Variants in CDH23 observed in about 807,000 individuals in gnomAD.
CDH23 encodes cadherin related 23, also known as cadherin-23.
In CDH23, 189 loss-of-function variants were observed where a neutral mutation model predicts 317.1. The observed-to-expected ratio is 0.60, with a 90% CI of 0.53 to 0.67. The LOEUF (loss-of-function observed/expected upper bound fraction) is 0.67, where lower values mean the gene tolerates loss of function less well. Ranked by LOEUF, CDH23 falls within the 30% of genes least tolerant of loss-of-function variation. CDH23 has a pLI of 0.00. For synonymous variants in CDH23, 1,839 were observed against 1,876.8 expected, an observed-to-expected ratio of 0.98 and a Z score of 0.52; for missense variants, 4,401 against 4,592.4, an observed-to-expected ratio of 0.96 and a Z score of 1.20.
chr10:71,501,367 G>C (rs1323645327), intron 3 of CDH23, among the ~76,000 whole-genome samples: 1 of 152,212 alleles, frequency 6.6e-6, no homozygotes, highest in African/African-American at 2.4e-5. Flanking sequence ...CGGAGTTGCA[G>C]GAGAGCACAG....
At chr10:71,549,572 T>C (rs1303310433) in intron 6 of CDH23, among the ~76,000 whole-genome samples, 1 of 152,172 alleles carries the variant, frequency 6.6e-6, no homozygotes, top group African/African-American at 2.4e-5. Flanking sequence ...AGGCCTTCGA[T>C]GGAAGCTGCT....
chr10:71,813,280 C>A lies in CDH23; in HGVS notation c.9670C>A (p.Arg3224=). The A allele has an allele frequency of 6.4e-7, 1 of 1,551,644 alleles. No individual in the cohort carries two copies. Among genetic ancestry groups the A allele is most frequent in the Non-Finnish European group, 8.7e-7 (1 of 1,146,980 alleles). ...GAAGGTGGTCCTGGAGGATTACCTGCGGCTCAAAAAGCTCTTTGCACAGCG... is the reference window on the plus strand; with the variant it reads ...GAAGGTGGTCCTGGAGGATTACCTGAGGCTCAAAAAGCTCTTTGCACAGCG... ...LLKVVLEDYL[R]LKKLFAQRMV... The change falls in exon 69 of 70, where the codon CGG becomes AGG. Residue 3224 remains arginine (R), a synonymous_variant. Coordinates refer to ENST00000224721, the MANE Select transcript of CDH23 (RefSeq NM_022124.6).
At chr10:71,488,357 G>A (rs1040953891) in intron 3 of CDH23, among the ~76,000 whole-genome samples, 8 of 152,178 alleles carry the variant, frequency 5.3e-5, no homozygotes, top group African/African-American at 1.7e-4. Context: ...GAAAAAGATG[G>A]GAATCTTTCT....
At chr10:71,795,891 C>T (rs748427027) in intron 48 of CDH23, 66 of 986,528 alleles carry the variant, frequency 6.7e-5, no homozygotes, top group African/African-American at 7.0e-5. Context: ...TCTGCCTCAC[C>T]CCATTGCCTT....
intron 11 of CDH23, chr10:71,617,640 C>A: frequency 1.8e-6 from 1 of 570,962 alleles, no homozygotes. Context: ...TTAGAAGTTA[C>A]ATACATGATC....
chr10:71,570,999 T>C, intron 8 of CDH23, 81 bp downstream of exon 8: 2 of 1,525,166 alleles, frequency 1.3e-6, no homozygotes, highest in East Asian at 4.5e-5. Flanking sequence ...ATGGGCCCTG[T>C]TAGTGGGCTG....
chr10:71,705,265 A>G, intron 25 of CDH23, 135 bp downstream of exon 25: 1 of 816,242 alleles, frequency 1.2e-6, no homozygotes, highest in Non-Finnish European at 1.9e-6. Context: ...CTTGTTAATG[A>G]GGTGCCCTCC....
At chr10:71,781,517 G>C (rs1037409298) in intron 41 of CDH23, among the ~76,000 whole-genome samples, 15 of 152,208 alleles carry the variant, frequency 9.9e-5, no homozygotes, top group Non-Finnish European at 1.9e-4. Context: ...CTCCCCATGA[G>C]GGGCCCACTC....
intron 8 of CDH23, among the ~76,000 whole-genome samples, chr10:71,577,107 G>T (rs1198417244): frequency 6.6e-6 from 1 of 151,974 alleles, no homozygotes; most frequent in Non-Finnish European, 1.5e-5. Flanking sequence ...CCCCTTTTTT[G>T]TACGTTTCTC....
chr10:71,772,063 G>A (rs1187070983), intron 38 of CDH23, among the ~76,000 whole-genome samples: 1 of 152,152 alleles, frequency 6.6e-6, no homozygotes, highest in Admixed American at 6.5e-5. Flanking sequence ...CCATGGCCTT[G>A]GTGCTGAGAC....
chr10:71,577,894 C>G lies in CDH23; in HGVS notation c.754-20C>G. The G allele has an allele frequency of 6.3e-7, 1 of 1,577,308 alleles. No individual in the cohort carries two copies. The highest frequency in any genetic ancestry group is 8.6e-7 in the Non-Finnish European group (1 of 1,160,508). On this transcript the variant is annotated intron_variant, in intron 8 of 69. Transcript: ENST00000224721. ...GCAGCCAGGGGACCCAAACTCAAGT[C>G]CCTCCTCTCTTCTGCCCAGGGCACG...
At chr10:71,755,384 C>T in intron 38 of CDH23, 1 of 1,612,976 alleles carries the variant, frequency 6.2e-7, no homozygotes, top group South Asian at 1.1e-5. Context: ...CCTGCCTTTG[C>T]TTGTAGACCA....
At chr10:71,746,357 C>T (rs1263229594) in intron 38 of CDH23, among the ~76,000 whole-genome samples, 1 of 152,248 alleles carries the variant, frequency 6.6e-6, no homozygotes, top group Non-Finnish European at 1.5e-5. Context: ...CCTCGTCCCC[C>T]CAGGTTCCTG....
chr10:71,772,075 G>A (rs1840698521), intron 38 of CDH23, among the ~76,000 whole-genome samples: 1 of 152,190 alleles, frequency 6.6e-6, no homozygotes, highest in African/African-American at 2.4e-5. Flanking sequence ...TGCTGAGACT[G>A]TCCATTCCAC....
At chr10:71,532,249 T>C (rs956466764) in intron 6 of CDH23, among the ~76,000 whole-genome samples, 1 of 152,210 alleles carries the variant, frequency 6.6e-6, no homozygotes, top group East Asian at 1.9e-4. Flanking sequence ...CTTGTTCCTC[T>C]GTAGCTGTCA....
At chr10:71,773,519 CTGAGTGCGAGCGAG>C (rs1208567801) in intron 38 of CDH23, 1 of 1,405,694 alleles carries the variant, frequency 7.1e-7, no homozygotes, top group Non-Finnish European at 9.8e-7. Flanking sequence ...CCTCCCGCGA[CTGAGTGCGAGCGAG>C]TGAGCGCTGC....
chr10:71,679,270 C>T (rs1312277233), intron 16 of CDH23, 117 bp from the exon 17 acceptor site: 3 of 755,008 alleles, frequency 4.0e-6, no homozygotes, highest in Non-Finnish European at 4.5e-6. Flanking sequence ...AGGGCTGGAT[C>T]ACCCAAAAAA....
intron 20 of CDH23, among the ~76,000 whole-genome samples, chr10:71,693,410 A>C (rs1056051160): frequency 1.1e-4 from 16 of 152,216 alleles, no homozygotes; most frequent in Non-Finnish European, 7.3e-5. Context: ...AATGTTGTTT[A>C]ATTGTTCAGA....
intron 1 of CDH23, among the ~76,000 whole-genome samples, chr10:71,407,970 A>G (rs372789745): frequency 6.6e-6 from 1 of 152,358 alleles, no homozygotes; most frequent in African/African-American, 2.4e-5. Context: ...GTGCTCAGCA[A>G]AATGAGTTGC....
Sources: gnomAD v4.1 joint callset for allele counts (sites outside exome capture counted in the v4.1 genomes callset) on GRCh38, gnomAD v4.1.1 for gene constraint, MANE v1.5 for transcripts, NCBI Gene and HGNC (gene_info 2026-07-23, HGNC 2026-07-21) for gene names.